Variants in NIBAN2 observed in about 807,000 individuals in gnomAD.
The protein encoded by NIBAN2 is niban apoptosis regulator 2, also known as protein Niban 2.
Under a neutral mutation model 81.8 loss-of-function variants are expected in NIBAN2, and 36 were observed. That is an observed-to-expected ratio of 0.44 (90% CI 0.34 to 0.58). NIBAN2 has a LOEUF of 0.58. NIBAN2 is among the 20% of genes least tolerant of loss of function. The probability of loss-of-function intolerance (pLI) is 0.02; values close to 1 mark genes in which losing one functional copy is unlikely to be tolerated. For missense variants in NIBAN2, 897 were observed against 1,014.1 expected, an observed-to-expected ratio of 0.88 and a Z score of 1.57; for synonymous variants, 445 against 441.6, an observed-to-expected ratio of 1.01 and a Z score of -0.10.
intron 8 of NIBAN2, among the ~76,000 whole-genome samples, chr9:127,513,364 T>C (rs1836770097): frequency 6.6e-6 from 1 of 151,996 alleles, no homozygotes; most frequent in South Asian, 2.1e-4. Flanking sequence ...TCAGAGGCAT[T>C]TGAATCAGAG....
intron 1 of NIBAN2, among the ~76,000 whole-genome samples, chr9:127,540,001 T>C (rs1837347860): frequency 6.6e-6 from 1 of 152,144 alleles, no homozygotes; most frequent in Non-Finnish European, 1.5e-5. Context: ...CATGAAGCCC[T>C]TTACCCTGGC....
chr9:127,555,307 C>T (rs1837647414), intron 1 of NIBAN2, among the ~76,000 whole-genome samples: 1 of 152,150 alleles, frequency 6.6e-6, no homozygotes, highest in African/African-American at 2.4e-5. Context: ...AGGGGGACGA[C>T]CACCCTTACC....
intron 1 of NIBAN2, among the ~76,000 whole-genome samples, chr9:127,577,646 C>G (rs2132250682): frequency 6.6e-6 from 1 of 152,146 alleles, no homozygotes; most frequent in Non-Finnish European, 1.5e-5. Context: ...CCACACCATC[C>G]TCCAGATCCA....
At chr9:127,535,727 G>T (rs1312877381) in intron 1 of NIBAN2, among the ~76,000 whole-genome samples, 2 of 152,076 alleles carry the variant, frequency 1.3e-5, no homozygotes, top group African/African-American at 2.4e-5. Flanking sequence ...GAATTCAGGA[G>T]CCAAATGGGT....
intron 1 of NIBAN2, among the ~76,000 whole-genome samples, chr9:127,537,031 C>T (rs1424336576): frequency 1.3e-5 from 2 of 152,198 alleles, no homozygotes; most frequent in African/African-American, 4.8e-5. Flanking sequence ...TCCACATTAT[C>T]TCATCCATTC....
chr9:127,544,852 C>T (rs1837442349), intron 1 of NIBAN2, among the ~76,000 whole-genome samples: 2 of 152,224 alleles, frequency 1.3e-5, no homozygotes, highest in South Asian at 2.1e-4. Context: ...TGCCATGGCA[C>T]ATTCCCTCAT....
chr9:127,571,699 A>G (rs547857651), upstream of NIBAN2, among the ~76,000 whole-genome samples: 8 of 78,844 alleles, frequency 1.0e-4, no homozygotes, highest in South Asian at 4.2e-4. Flanking sequence ...CATTAAAAAC[A>G]AAACAAAACC....
intron 1 of NIBAN2, among the ~76,000 whole-genome samples, chr9:127,539,842 A>G (rs1382893057): frequency 1.3e-5 from 2 of 152,192 alleles, no homozygotes; most frequent in East Asian, 3.9e-4. Flanking sequence ...ATGGACACAC[A>G]GGCTCTGGGT....
Position 127,508,991 on chromosome 9 carries a change from C to A in NIBAN2, c.1302G>T (p.Gln434His). The part of the protein sequence containing the change: ...SSTSVFKQRA[Q>H]IHMREQMDNA... ...TCGGGTCTACCTCCCGCATGTGGAT[C>A]TGGGCTCGCTGCTTGAACACGGACG... Residue 434 changes from glutamine (Q) to histidine (H), a missense_variant, in exon 10 of 14, where the codon CAG becomes CAT. By Grantham distance (24) the Gln-to-His change is conservative. Around this residue, in one of 3 missense-constraint regions of NIBAN2, gnomAD observed 619 missense variants for 691.0 expected, o/e 0.90. Transcript: ENST00000373312. The surrounding 1 kb of genome is among the most constrained non-coding windows in gnomAD (Gnocchi z 6.4). 6.2e-7 allele frequency: 1 copy of A among 1,613,836 alleles called. No homozygotes were observed.
intron 1 of NIBAN2, among the ~76,000 whole-genome samples, chr9:127,540,717 G>A (rs1161262884): frequency 6.6e-6 from 1 of 152,248 alleles, no homozygotes; most frequent in Non-Finnish European, 1.5e-5. Context: ...CCAAGAGGAA[G>A]AGAGTCATCT....
At position 127,523,766 on chromosome 9, in the gene NIBAN2, G is replaced by A. The variant is rs148940802; in HGVS notation, c.502C>T (p.Arg168Cys). Reference protein sequence around the residue: ...FPLILWHPYARHYYFCMMTEA... With the variant: ...FPLILWHPYACHYYFCMMTEA... ...GTCATCATGCAGAAGTAGTAGTGAC[G>A]CGCATAAGGATGCCAGAGGATGAGC... The change falls in exon 5 of 14, where the codon CGT becomes TGT. Residue 168 changes from arginine (R) to cysteine (C), a missense_variant. Physicochemically the swap from Arg to Cys is radical, Grantham distance 180. This residue lies in a region of NIBAN2 where 69 missense variants were observed against 114.7 expected (regional missense o/e 0.60). Transcript: ENST00000373312. The A allele has an allele frequency of 6.6e-5, 106 of 1,614,064 alleles. No homozygotes were observed. Among genetic ancestry groups the A allele is most frequent in the Middle Eastern group, 1.7e-4 (1 of 6,060 alleles).
Position 127,508,996 on chromosome 9 carries a change from C to T in NIBAN2, c.1297G>A (p.Ala433Thr), listed in dbSNP as rs1262383084. 1.2e-6 allele frequency: 2 copies of T among 1,613,804 alleles called. No individual in the cohort carries two copies. Among genetic ancestry groups the T allele is most frequent in the Admixed American group, 1.7e-5 (1 of 60,006 alleles). ...TCTACCTCCCGCATGTGGATCTGGG[C>T]TCGCTGCTTGAACACGGACGTGCTG... Reference protein sequence around the residue: ...VSSTSVFKQRAQIHMREQMDN... With the variant: ...VSSTSVFKQRTQIHMREQMDN... The change falls in exon 10 of 14, where the codon GCC (alanine) becomes ACC (threonine). Residue 433 changes from alanine to threonine, a missense_variant. By Grantham distance (58) the Ala-to-Thr change is moderately conservative. Transcript: ENST00000373312. This position sits in a 1 kb window ranked among gnomAD's most constrained non-coding sequence, Gnocchi z 6.4.
At chr9:127,574,707 A>G (rs1837987561) in intron 1 of NIBAN2, among the ~76,000 whole-genome samples, 1 of 152,208 alleles carries the variant, frequency 6.6e-6, no homozygotes, top group Non-Finnish European at 1.5e-5. Flanking sequence ...AGGAGTGTGA[A>G]TGAATCAGGA....
chr9:127,516,634 A>G (rs1222193007), intron 8 of NIBAN2, among the ~76,000 whole-genome samples: 1 of 152,208 alleles, frequency 6.6e-6, no homozygotes, highest in East Asian at 1.9e-4. Context: ...AGAAGGCTTG[A>G]ACCTCCAGAA....
chr9:127,511,508 A>T (rs552640468), intron 8 of NIBAN2, among the ~76,000 whole-genome samples: 211 of 104,040 alleles, frequency 2.0e-3, no homozygotes, highest in African/African-American at 5.8e-3. Context: ...AATATTATTT[A>T]AAAAAAAAAA....
At chr9:127,550,089 G>A (rs1403809751) in intron 1 of NIBAN2, among the ~76,000 whole-genome samples, 2 of 152,280 alleles carry the variant, frequency 1.3e-5, no homozygotes, top group East Asian at 3.9e-4. Context: ...CCAGTGAAAT[G>A]GGGTGGTGAT....
intron 1 of NIBAN2, among the ~76,000 whole-genome samples, chr9:127,542,593 C>G (rs1214460346): frequency 6.6e-6 from 1 of 152,264 alleles, no homozygotes; most frequent in African/African-American, 2.4e-5. Context: ...TTGGCTGGGT[C>G]CTGGGGATGA....
chr9:127,566,448 C>A (rs1164360551), intron 1 of NIBAN2, among the ~76,000 whole-genome samples: 1 of 152,272 alleles, frequency 6.6e-6, no homozygotes, highest in South Asian at 2.1e-4. Context: ...GGTGTGGAAA[C>A]AAGCCTCTGC....
chr9:127,527,099 CGGT>C, intron 3 of NIBAN2, 92 bp downstream of exon 3: 1 of 1,493,192 alleles, frequency 6.7e-7, no homozygotes, highest in Non-Finnish European at 9.2e-7. Flanking sequence ...CAGGCTGTGA[CGGT>C]GGCGTCTGGG....
Sources: allele counts gnomAD v4.1 joint callset (sites outside exome capture counted in the v4.1 genomes callset), GRCh38; gene constraint gnomAD v4.1.1; regional missense constraint gnomAD v4.1.1; non-coding constraint Gnocchi (gnomAD v3.1); transcripts MANE v1.5; gene names NCBI Gene and HGNC (gene_info 2026-07-23, HGNC 2026-07-21).